PBRM1: variants seen among roughly 807,000 people sequenced by gnomAD.
The protein encoded by PBRM1 is protein polybromo-1.
In PBRM1, 27 loss-of-function variants were observed where a neutral mutation model predicts 194.5. The observed-to-expected ratio is 0.14, with a 90% confidence interval of 0.10 to 0.19. PBRM1 has a LOEUF of 0.19. PBRM1 is among the 10% of genes least tolerant of loss of function. The pLI is 1.00. For missense variants in PBRM1, 1,466 were observed against 2,077.2 expected, an observed-to-expected ratio of 0.71 and a Z score of 5.72; for synonymous variants, 655 against 693.2, an observed-to-expected ratio of 0.94 and a Z score of 0.87.
At chr3:52,602,068 T>C (rs1161187108) in intron 17 of PBRM1, among the ~76,000 whole-genome samples, 2 of 152,240 alleles carry the variant, frequency 1.3e-5, no homozygotes, top group Non-Finnish European at 2.9e-5. Context: ...AATGTGCAGA[T>C]AATTACATGT....
rs974343130 is a variant in PBRM1 at position 52,558,565 on chromosome 3, G to A, written c.4289-152C>T. On this transcript the variant is annotated intron_variant, in intron 25 of 29. Transcript: ENST00000296302. ...GACTAGTCTCAACACAGGAGGAGTCGGGCCGATTTCACTTGGTAACCTAGA... is the reference window on the plus strand; with the variant it reads ...GACTAGTCTCAACACAGGAGGAGTCAGGCCGATTTCACTTGGTAACCTAGA... Among the ~76,000 whole-genome samples, 5 of 152,244 alleles carry A rather than the reference G, an allele frequency of 3.3e-5. No homozygotes were observed. The South Asian group carries it at 6.2e-4, about 19-fold the overall frequency.
chr3:52,587,148 G>A (rs780613314), intron 19 of PBRM1, among the ~76,000 whole-genome samples: 22 of 152,090 alleles, frequency 1.4e-4, no homozygotes, highest in Non-Finnish European at 2.1e-4. Flanking sequence ...CTGCATTATA[G>A]CCAAATAGTG....
Position 52,554,709 on chromosome 3 carries a change from G to A in PBRM1, c.4609+15C>T, listed in dbSNP as rs2081850973. 4 of 1,541,134 alleles carry A rather than the reference G, an allele frequency of 2.6e-6. No individual in the cohort carries two copies. The highest frequency in any genetic ancestry group is 3.5e-6 in the Non-Finnish European group (4 of 1,150,144). ...GAAGATGAGATTAATGAGTGAATGA[G>A]GATGAAGTTCTTACCCGGTGGTGGG... On this transcript the variant is annotated intron_variant, in intron 27 of 29. Transcript: ENST00000296302.
chr3:52,590,990 G>GT (rs1250233005), intron 17 of PBRM1, among the ~76,000 whole-genome samples: 2 of 152,178 alleles, frequency 1.3e-5, no homozygotes, highest in Non-Finnish European at 2.9e-5. Flanking sequence ...CTGGTTAGCT[G>GT]TATTTCCAGG....
chr3:52,645,950 ACGCT>A (rs1195955770), intron 7 of PBRM1, among the ~76,000 whole-genome samples: 61 of 152,240 alleles, frequency 4.0e-4, no homozygotes, highest in Admixed American at 3.9e-3. Context: ...CTACTTGTGT[ACGCT>A]GACCTAAAAA....
rs1561098635 is a variant in PBRM1, at chr3:52,676,131, AAAAAAAAAAAAAAAAAAAAAAT to A, written c.236+2347_236+2368del. 4.7e-4 allele frequency among the ~76,000 whole-genome samples: 15 copies of A among 31,762 alleles called. 2 individuals carry two copies. The South Asian group carries it at 5.1e-3, about 11-fold the overall frequency. 20.8% of individuals were successfully genotyped at this position (31,762 alleles called of 152,430 possible). A position where few individuals can be genotyped will look rare whatever the true frequency, so the allele number is the denominator to read the frequency against. ...CTCCGTCTCAAAAAAAAAAAAAAAA[AAAAAAAAAAAAAAAAAAAAAAT>A]AATGAATGAAGCGGGATCCTTACCT... On this transcript the variant is annotated intron_variant, in intron 2 of 29. Transcript: ENST00000296302.
At chr3:52,547,860 G>A, downstream of PBRM1, 2 of 468,184 alleles carry the variant, frequency 4.3e-6, no homozygotes, top group Non-Finnish European at 7.4e-6. Flanking sequence ...AAATCTTTGT[G>A]TATTTGATAA....
Position 52,609,328 on chromosome 3 carries a change from G to C in PBRM1, c.2552C>G (p.Ala851Gly), listed in dbSNP as rs1462321719. 3.1e-6 allele frequency: 5 copies of C among 1,612,560 alleles called. No homozygotes were observed. The highest frequency in any genetic ancestry group is 2.2e-5 in the East Asian group (1 of 44,850). The change falls in exon 16 of 30, where the codon GCA (alanine) becomes GGA (glycine). Residue 851 changes from alanine to glycine, a missense_variant. Coordinates refer to ENST00000296302, the Ensembl canonical transcript of PBRM1. This position sits in a 1 kb window ranked among gnomAD's most constrained non-coding sequence, Gnocchi z 4.1. ...GAAAACATACCGATTCATCCTTCTTGCTCGTTCCAATACTTCAAACATATG... is the reference window on the plus strand; with the variant it reads ...GAAAACATACCGATTCATCCTTCTTCCTCGTTCCAATACTTCAAACATATG...
chr3:52,588,950 T>C (rs1478173958), intron 18 of PBRM1, 120 bp downstream of exon 20: 2 of 692,960 alleles, frequency 2.9e-6, no homozygotes, highest in East Asian at 2.6e-5. Flanking sequence ...TATTGACATA[T>C]TGAACAATTA....
chr3:52,573,737 T>C (rs1368240401), intron 22 of PBRM1, among the ~76,000 whole-genome samples: 2 of 152,196 alleles, frequency 1.3e-5, no homozygotes, highest in Non-Finnish European at 2.9e-5. Flanking sequence ...TGGAATTCTG[T>C]AAGATAGTCA....
intron 2 of PBRM1, among the ~76,000 whole-genome samples, chr3:52,675,557 G>A (rs982254628): frequency 9.9e-5 from 15 of 152,196 alleles, no homozygotes; most frequent in African/African-American, 3.4e-4. Flanking sequence ...TGTTGAAGTG[G>A]TGAAAGTGGG....
chr3:52,552,929 C>T (rs2081321927), intron 27 of PBRM1, among the ~76,000 whole-genome samples: 1 of 152,240 alleles, frequency 6.6e-6, no homozygotes, highest in South Asian at 2.1e-4. Context: ...AACACTTCCT[C>T]CTCTGGCAAT....
At chr3:52,554,644 C>A (rs2081832621) in intron 27 of PBRM1, 80 bp downstream of exon 29, 21 of 1,281,022 alleles carry the variant, frequency 1.6e-5, no homozygotes, top group Non-Finnish European at 2.2e-5. Flanking sequence ...GCCACGGGTG[C>A]CTCCTGGAAC....
chr3:52,573,657 T>C (rs974303570), intron 22 of PBRM1, among the ~76,000 whole-genome samples: 1 of 152,286 alleles, frequency 6.6e-6, no homozygotes, highest in Non-Finnish European at 1.5e-5. Context: ...TGTCAGTGAA[T>C]ATGGAGGAGT....
Position 52,676,708 on chromosome 3 carries a change from T to G in PBRM1, c.236+1792A>C, listed in dbSNP as rs573438685. Among the ~76,000 whole-genome samples the G allele has an allele frequency of 7.1e-4, 108 of 152,212 alleles. 1 individual carries two copies. Among genetic ancestry groups the G allele is most frequent in the African/African-American group, 2.4e-3 (101 of 41,514 alleles). ...GATAACAGGCAGAGGATGCAACAGT[T>G]TGGAGGGCTCAGAAGAAGACAGGAA... On this transcript the variant is annotated intron_variant, in intron 2 of 29. Coordinates refer to ENST00000296302, the Ensembl canonical transcript of PBRM1.
At chr3:52,563,855 C>G (rs538410771) in intron 23 of PBRM1, among the ~76,000 whole-genome samples, 195 bp downstream of exon 25, 1 of 151,726 alleles carries the variant, frequency 6.6e-6, no homozygotes, top group African/African-American at 2.4e-5. Flanking sequence ...ACGCCAAGGG[C>G]ACTATTAGAG....
intron 2 of PBRM1, among the ~76,000 whole-genome samples, chr3:52,676,911 C>G (rs1348413804): frequency 6.6e-6 from 1 of 152,182 alleles, no homozygotes; most frequent in African/African-American, 2.4e-5. Context: ...CATTTCGCCC[C>G]TGCTCTAGAG....
chr3:52,565,981 C>A (rs891271711), intron 22 of PBRM1, among the ~76,000 whole-genome samples: 1 of 152,004 alleles, frequency 6.6e-6, no homozygotes, highest in Non-Finnish European at 1.5e-5. Flanking sequence ...ACCCAGGAGG[C>A]GGAGCTTGCA....
intron 13 of PBRM1, among the ~76,000 whole-genome samples, chr3:52,621,597 T>C (rs2095277147): frequency 6.6e-6 from 1 of 152,236 alleles, no homozygotes; most frequent in Non-Finnish European, 1.5e-5. Flanking sequence ...AGTAATTAAC[T>C]ACCTTTGATT....
Sources: allele counts gnomAD v4.1 joint callset (sites outside exome capture counted in the v4.1 genomes callset), GRCh38; gene constraint gnomAD v4.1.1; non-coding constraint Gnocchi (gnomAD v3.1); transcripts MANE v1.5; gene names NCBI Gene and HGNC (gene_info 2026-07-23, HGNC 2026-07-21).